The following PCDHA2 variants were observed in gnomAD, a reference collection of about 807,000 sequenced individuals.
The protein encoded by PCDHA2 is protocadherin alpha-2.
Under a neutral mutation model 66.0 loss-of-function variants are expected in PCDHA2, and 58 were observed. The observed-to-expected ratio is 0.88, with a 90% CI of 0.71 to 1.09. The LOEUF (loss-of-function observed/expected upper bound fraction) is 1.09. Among genes scored for constraint, PCDHA2 ranks in the 50% least tolerant of loss-of-function variants. The pLI, the probability that PCDHA2 is intolerant of heterozygous loss-of-function variation, is 0.00. For missense variants in PCDHA2, 1,267 were observed against 1,242.3 expected (o/e 1.02, Z -0.30); for synonymous variants, 634 against 554.0 (o/e 1.14, Z -2.03).
chr5:140,967,218 C>T, intron 1 of PCDHA2: 3 of 1,613,744 alleles, frequency 1.9e-6, no homozygotes, highest in South Asian at 1.1e-5. Flanking sequence ...TTCCCGCGGC[C>T]CAACTACCAG....
chr5:140,982,288 T>G, intron 2 of PCDHA2, 187 bp from the exon 3 acceptor site: 1 of 1,088,080 alleles, frequency 9.2e-7, no homozygotes, highest in Admixed American at 2.9e-5. Context: ...AGGCAATAAG[T>G]AAGTCAGCAA....
intron 1 of PCDHA2, chr5:140,848,959 A>C (rs1554142632): frequency 1.9e-6 from 3 of 1,606,524 alleles, no homozygotes; most frequent in Admixed American, 3.4e-5. Context: ...TTTCCACTAG[A>C]GGGCGCGTCC....
intron 1 of PCDHA2, chr5:140,802,308 C>T (rs782640012): frequency 6.2e-7 from 1 of 1,614,254 alleles, no homozygotes; most frequent in South Asian, 1.1e-5. Flanking sequence ...AGTCATCGCT[C>T]TGATCAGCGT....
chr5:140,842,210 C>G (rs782194934), intron 1 of PCDHA2: 1 of 1,613,418 alleles, frequency 6.2e-7, no homozygotes. Flanking sequence ...TAGCATAGAT[C>G]GAAATACGGG....
chr5:140,968,077 C>A lies in PCDHA2; in HGVS notation c.2389-10872C>A, dbSNP rs1274008262. 2.5e-6 allele frequency: 4 copies of A among 1,614,020 alleles called. No homozygotes were observed. In the African/African-American group the frequency reaches 4.0e-5, roughly 16 times the overall value. On this transcript the variant is annotated intron_variant, in intron 1 of 3. Coordinates refer to ENST00000526136, the MANE Select transcript of PCDHA2 (RefSeq NM_018905.3). ...GAGAGCGGGTGGCTGTCTACAACAT[C>A]ACGGTGACAGCCACAGATGGGGGAA...
intron 1 of PCDHA2, chr5:140,861,856 A>G (rs1225378019): frequency 1.3e-5 from 2 of 156,674 alleles, no homozygotes; most frequent in Admixed American, 1.3e-4. Context: ...TGGTGCTCAA[A>G]GCAACTGATG....
intron 1 of PCDHA2, chr5:140,822,602 T>C (rs1454231935): frequency 1.9e-6 from 3 of 1,611,816 alleles, no homozygotes; most frequent in Non-Finnish European, 2.5e-6. Flanking sequence ...AATAAGGAAA[T>C]AGTGTATTTC....
rs183652630 is a variant in PCDHA2 at position 140,854,028 on chromosome 5, G to A, written c.2388+56676G>A. 2.2e-3 allele frequency: 685 copies of A among 307,422 alleles called. 24 individuals are homozygous for A. The highest frequency in any genetic ancestry group is 3.0e-3 in the Non-Finnish European group (614 of 202,590). 19.0% of individuals were successfully genotyped at this position (307,422 alleles called of 1,614,324 possible). A position where few individuals can be genotyped will look rare whatever the true frequency, so the allele number is the denominator to read the frequency against. On this transcript the variant is annotated intron_variant, in intron 1 of 3. Transcript: ENST00000526136. ...AAAAAAAAAATTAGCCGGGCATGGTGGCACACATCTCTAGTCCCAATTACT... is the reference window on the plus strand; with the variant it reads ...AAAAAAAAAATTAGCCGGGCATGGTAGCACACATCTCTAGTCCCAATTACT...
chr5:140,927,734 G>A, intron 1 of PCDHA2: 1 of 1,614,196 alleles, frequency 6.2e-7, no homozygotes, highest in Non-Finnish European at 8.5e-7. Context: ...GCAGAGCTGC[G>A]ACACCGCTTT....
At chr5:140,871,283 C>G in intron 1 of PCDHA2, 4 of 1,613,936 alleles carry the variant, frequency 2.5e-6, no homozygotes, top group Non-Finnish European at 3.4e-6. Flanking sequence ...GCAACGCCCA[C>G]TGAGGGCGCG....
At chr5:141,002,014 C>T (rs1025365420) in intron 3 of PCDHA2, among the ~76,000 whole-genome samples, 1 of 152,220 alleles carries the variant, frequency 6.6e-6, no homozygotes, top group Non-Finnish European at 1.5e-5. Context: ...AGAATCTGCA[C>T]AGCCTTCGGT....
At chr5:140,925,923 C>CT (rs111894943) in intron 1 of PCDHA2, among the ~76,000 whole-genome samples, 7,061 of 152,174 alleles carry the variant, frequency 0.046, 290 homozygotes, top group African/African-American at 0.11. Context: ...GCAAAGCACT[C>CT]CCAAGTAGAG....
chr5:140,895,603 T>C (rs2065070404), intron 1 of PCDHA2, among the ~76,000 whole-genome samples: 1 of 152,156 alleles, frequency 6.6e-6, no homozygotes, highest in African/African-American at 2.4e-5. Context: ...TTTGCAAAGA[T>C]TTTCTCATTG....
At position 140,926,851 on chromosome 5, in the gene PCDHA2, T is replaced by G. The variant is rs201136210; in HGVS notation, c.2389-52098T>G. On this transcript the variant is annotated intron_variant, in intron 1 of 3. Transcript: ENST00000526136. The stretch of plus-strand genomic sequence containing the variant: ...TCCGGAGCATGGTCCTGGGTCACCG[T>G]TGGTGTAGCGTGTTGGTGGAACGTG... 3 of 1,517,102 alleles carry G rather than the reference T, an allele frequency of 2.0e-6. No homozygotes were observed. In the African/African-American group the frequency reaches 4.2e-5, roughly 21 times the overall value. The allele number at this position is 1,517,102 out of a possible 1,614,324, so 94.0% of individuals were successfully genotyped here.
At chr5:140,849,688 T>C in intron 1 of PCDHA2, 3 of 1,598,706 alleles carry the variant, frequency 1.9e-6, no homozygotes, top group Non-Finnish European at 2.6e-6. Flanking sequence ...TTCAAGCTGG[T>C]GTCCACCTAC....
chr5:140,850,117 G>T, intron 1 of PCDHA2: 2 of 1,596,096 alleles, frequency 1.3e-6, no homozygotes, highest in Non-Finnish European at 1.7e-6. Flanking sequence ...CGCGACGCGG[G>T]CGTGCCGCCT....
intron 1 of PCDHA2, chr5:140,969,505 A>G (rs973647679): frequency 1.4e-6 from 2 of 1,428,552 alleles, no homozygotes; most frequent in South Asian, 3.0e-5. Context: ...CTAGAAAAAT[A>G]GCACTAAAGA....
chr5:140,881,097 A>G (rs1179635604), intron 1 of PCDHA2, among the ~76,000 whole-genome samples: 1 of 152,262 alleles, frequency 6.6e-6, no homozygotes, highest in Non-Finnish European at 1.5e-5. Flanking sequence ...TTTTCATTAC[A>G]CCATTTGGCC....
In PCDHA2 at chr5:140,982,560, C is replaced by T. The variant is rs782437404; in HGVS notation, c.2533C>T (p.Pro845Ser). 6.2e-7 allele frequency: 1 copy of T among 1,614,098 alleles called. No homozygotes were observed. Among genetic ancestry groups the T allele is most frequent in the Admixed American group, 1.7e-5 (1 of 60,022 alleles). ...GTGGCCAACAGTATCCAGTGCAACA[C>T]CAGGTAAAGAGCTGGGGTCTCTCCA... ...QQWPTVSSAT[P>S]EPEAGEVSPP... The change falls in exon 3 of 4, where the codon CCA (proline) becomes TCA (serine). Residue 845 changes from proline (P) to serine (S), a missense_variant. Coordinates refer to ENST00000526136, the MANE Select transcript of PCDHA2 (RefSeq NM_018905.3).
Sources: gnomAD v4.1 joint callset for allele counts (sites outside exome capture counted in the v4.1 genomes callset) on GRCh38, gnomAD v4.1.1 for gene constraint, MANE v1.5 for transcripts, NCBI Gene and HGNC (gene_info 2026-07-23, HGNC 2026-07-21) for gene names.